The following RSPH10B variants were observed in gnomAD, a reference collection of about 807,000 sequenced individuals.
RSPH10B encodes radial spoke head 10 homolog B (Chlamydomonas).
In RSPH10B, 7 loss-of-function variants were observed where a neutral mutation model predicts 52.5. That is an observed-to-expected ratio of 0.13 (90% CI 0.08 to 0.25). The LOEUF (loss-of-function observed/expected upper bound fraction) is 0.25, where lower values mean the gene tolerates loss of function less well. Ranked by LOEUF, RSPH10B falls within the 10% of genes least tolerant of loss-of-function variation. The pLI is 1.00. For missense variants in RSPH10B, 89 were observed against 542.5 expected (o/e 0.16, Z 8.30); for synonymous variants, 28 against 193.2 (o/e 0.14, Z 7.09).
chr7:5,970,537 C>G (rs978956366), upstream of RSPH10B: 1 of 144,848 alleles, frequency 6.9e-6, no homozygotes, highest in Non-Finnish European at 1.5e-5. Flanking sequence ...TGGGAGGCCG[C>G]GTCAGTCCGG....
At chr7:5,942,930 T>G (rs373439903) in intron 13 of RSPH10B, among the ~76,000 whole-genome samples, 1 of 144,518 alleles carries the variant, frequency 6.9e-6, no homozygotes, top group African/African-American at 2.5e-5. Flanking sequence ...ATATATATTT[T>G]TTTTTAAGAC....
rs373901374 is a variant in RSPH10B at position 5,927,022 on chromosome 7, CGTGTGTGT to C, written c.2433-482_2433-475del. Among the ~76,000 whole-genome samples the C allele has an allele frequency of 2.1e-3, 205 of 95,968 alleles. 1 individual carries two copies. The highest frequency in any genetic ancestry group is 5.3e-3 in the Middle Eastern group (1 of 188). The allele number at this position is 95,968 out of a possible 152,430, so 63.0% of individuals were successfully genotyped here. A position where few individuals can be genotyped will look rare whatever the true frequency, so the allele number is the denominator to read the frequency against. On this transcript the variant is annotated intron_variant, in intron 18 of 18. Transcript: ENST00000337579. ...CACCCACCTCGGCCTCCCAAAGTTA[CGTGTGTGT>C]GTGTGTGTGTGTGTGTATTATGTGT...
At chr7:5,934,691 AC>A (rs1404146919) in intron 16 of RSPH10B, among the ~76,000 whole-genome samples, 2 of 49,338 alleles carry the variant, frequency 4.1e-5, no homozygotes, top group Admixed American at 5.7e-4. Context: ...CTGGGCACAA[AC>A]CCCCAGCTCC....
At chr7:5,947,703 G>A (rs1780484270) in intron 10 of RSPH10B, among the ~76,000 whole-genome samples, 1 of 94,644 alleles carries the variant, frequency 1.1e-5, no homozygotes, top group Non-Finnish European at 2.2e-5. Flanking sequence ...CAACAAGAGT[G>A]AAACTCTGTC....
intron 13 of RSPH10B, among the ~76,000 whole-genome samples, chr7:5,941,321 C>T (rs1285662905): frequency 1.4e-5 from 2 of 141,226 alleles, no homozygotes; most frequent in Non-Finnish European, 3.2e-5. Context: ...AAACTATTTT[C>T]CTATAGTTAG....
At chr7:5,954,199 C>T (rs1043775838) in intron 7 of RSPH10B, among the ~76,000 whole-genome samples, 2 of 106,326 alleles carry the variant, frequency 1.9e-5, no homozygotes, top group African/African-American at 7.0e-5. Flanking sequence ...AGTGCAGTAG[C>T]ACAGTCTTAA....
At position 5,943,087 on chromosome 7, in the gene RSPH10B, G is replaced by C. The variant is rs577658674; in HGVS notation, c.1758+237C>G. 1.3e-4 allele frequency: 112 copies of C among 835,184 alleles called. 1 individual carries two copies. In the East Asian group the frequency reaches 3.2e-3, roughly 24 times the overall value. 51.7% of individuals were successfully genotyped at this position (835,184 alleles called of 1,614,324 possible). ...CCATGGGCCATTGTTATAGGCCATG[G>C]ACCATTGTCTTGCCCTAATCTGTTA... On this transcript the variant is annotated intron_variant, in intron 13 of 18. Coordinates refer to ENST00000337579, the Ensembl canonical transcript of RSPH10B.
chr7:5,958,923 G>A (rs1233047783), intron 5 of RSPH10B, 70 bp downstream of exon 7: 14 of 1,375,176 alleles, frequency 1.0e-5, no homozygotes, highest in Middle Eastern at 1.9e-4. Flanking sequence ...TTAAATATCC[G>A]AGGTGAACGC....
rs541092023 is a variant in RSPH10B, at chr7:5,927,818, C to T, written c.2432+378G>A. On this transcript the variant is annotated intron_variant, in intron 18 of 18. Transcript: ENST00000337579. ...AGGCGTGGTGGTGCATGCTTCTAAT[C>T]CCAGCTGCTCGGGAGGCTGAGGCAA... Among the ~76,000 whole-genome samples the T allele has an allele frequency of 2.0e-4, 29 of 146,026 alleles. 1 individual carries two copies. The highest frequency in any genetic ancestry group is 6.4e-4 in the African/African-American group (25 of 39,238).
At chr7:5,927,735 A>G (rs1397589835) in intron 18 of RSPH10B, among the ~76,000 whole-genome samples, 1 of 147,362 alleles carries the variant, frequency 6.8e-6, no homozygotes, top group Non-Finnish European at 1.5e-5. Flanking sequence ...CAGGAGTTCG[A>G]GACCAGCCTG....
chr7:5,927,048 T>TATTTGTGTGTGTGTG (rs1347951159), intron 18 of RSPH10B, among the ~76,000 whole-genome samples: 1 of 70,836 alleles, frequency 1.4e-5, no homozygotes, highest in African/African-American at 4.3e-5. Flanking sequence ...TGTGTGTGTA[T>TATTTGTGTGTGTGTG]TATGTGTGTG....
intron 18 of RSPH10B, among the ~76,000 whole-genome samples, chr7:5,927,091 T>C (rs1184380969): frequency 6.9e-6 from 1 of 145,818 alleles, no homozygotes; most frequent in Admixed American, 6.9e-5. Context: ...TGTGTGTGTG[T>C]GTGTGTATTT....
In RSPH10B at chr7:5,927,031, GTGTGTGTGTGTGTGTATTA is replaced by G. The variant is rs1402083192; in HGVS notation, c.2433-502_2433-484del. Among the ~76,000 whole-genome samples, 172 of 49,200 alleles carry G rather than the reference GTGTGTGTGTGTGTGTATTA, an allele frequency of 3.5e-3. 3 individuals carry two copies. Among genetic ancestry groups the G allele is most frequent in the African/African-American group, 0.014 (140 of 10,238 alleles). 32.3% of individuals were successfully genotyped at this position (49,200 alleles called of 152,430 possible). A position where few individuals can be genotyped will look rare whatever the true frequency, so the allele number is the denominator to read the frequency against. ...CGGCCTCCCAAAGTTACGTGTGTGT[GTGTGTGTGTGTGTGTATTA>G]TGTGTGTGTGTGTGTGTATATGTGT... On this transcript the variant is annotated intron_variant, in intron 18 of 18. Transcript: ENST00000337579.
chr7:5,927,748 C>G (rs1431000449), intron 18 of RSPH10B, among the ~76,000 whole-genome samples: 1 of 147,132 alleles, frequency 6.8e-6, no homozygotes, highest in Non-Finnish European at 1.5e-5. Context: ...CCAGCCTGGA[C>G]AACCTGGTGA....
At chr7:5,931,841 A>G (rs1231934199) in intron 17 of RSPH10B, among the ~76,000 whole-genome samples, 2 of 151,074 alleles carry the variant, frequency 1.3e-5, no homozygotes, top group African/African-American at 4.9e-5. Flanking sequence ...TCTACTAAAA[A>G]TACAAGGTGC....
Position 5,958,999 on chromosome 7 carries a change from A to G in RSPH10B, c.653T>C (p.Ile218Thr), listed in dbSNP as rs75043254. The G allele has an allele frequency of 1.7e-4, 230 of 1,327,154 alleles. 21 individuals are homozygous for G. In the African/African-American group the frequency reaches 2.8e-3, roughly 16 times the overall value. The allele number at this position is 1,327,154 out of a possible 1,614,324, so 82.2% of individuals were successfully genotyped here. A position where few individuals can be genotyped will look rare whatever the true frequency, so the allele number is the denominator to read the frequency against. ...CGGCGGTGGTCATACCTACCATCTT[A>G]TTCCCCAGCCCTTTTTGATGTTTTG... is the stretch of plus-strand genomic sequence containing the variant. The change falls in exon 5 of 19, where the codon ATA becomes ACA. Residue 218 changes from isoleucine to threonine, a missense_variant. Coordinates refer to ENST00000337579, the Ensembl canonical transcript of RSPH10B.
At chr7:5,957,598 C>T (rs1488401826) in intron 6 of RSPH10B, among the ~76,000 whole-genome samples, 260 of 50,660 alleles carry the variant, frequency 5.1e-3, no homozygotes, top group Non-Finnish European at 7.6e-3. Flanking sequence ...CCAACCTGGC[C>T]AACATGGTGA....
chr7:5,950,532 T>C (rs1780562209), intron 9 of RSPH10B, among the ~76,000 whole-genome samples: 2 of 151,588 alleles, frequency 1.3e-5, no homozygotes, highest in Non-Finnish European at 2.9e-5. Context: ...GATCGTGCCA[T>C]TGCACTCCAG....
intron 17 of RSPH10B, 126 bp from the exon 20 acceptor site, chr7:5,928,520 G>C (rs1254883924): frequency 6.9e-7 from 1 of 1,454,564 alleles, no homozygotes; most frequent in Non-Finnish European, 9.6e-7. Context: ...AGAGGGGAGA[G>C]GAGTAAGGAC....
Sources: gnomAD v4.1 joint callset for allele counts (sites outside exome capture counted in the v4.1 genomes callset) on GRCh38, gnomAD v4.1.1 for gene constraint, MANE v1.5 for transcripts, NCBI Gene and HGNC (gene_info 2026-07-23, HGNC 2026-07-21) for gene names.